Variants in PDK3 observed in about 807,000 individuals in gnomAD.
PDK3 encodes pyruvate dehydrogenase kinase 3.
PDK3 carries 12 observed loss-of-function variants against 32.0 expected under a neutral mutation model. The observed-to-expected ratio is 0.37, with a 90% CI of 0.24 to 0.61. The LOEUF (loss-of-function observed/expected upper bound fraction) is 0.61, where lower values mean the gene tolerates loss of function less well. Among genes scored for constraint, PDK3 ranks in the 20% least tolerant of loss-of-function variants. The probability of loss-of-function intolerance (pLI) is 0.65; values close to 1 mark genes in which losing one functional copy is unlikely to be tolerated. For synonymous variants in PDK3, 122 were observed against 116.3 expected (o/e 1.05, Z -0.31); for missense variants, 188 against 316.9 (o/e 0.59, Z 3.09).
At chrX:24,525,282 C>T (rs1392893040) in intron 6 of PDK3, among the ~76,000 whole-genome samples, 1 of 112,038 alleles carries the variant, frequency 8.9e-6, no homozygotes, top group Non-Finnish European at 1.9e-5. Context: ...GTCACACAGG[C>T]TTCCCAAAGC....
intron 1 of PDK3, among the ~76,000 whole-genome samples, chrX:24,474,734 T>TC (rs1196580695): frequency 5.4e-5 from 6 of 111,248 alleles, no homozygotes. Context: ...TTCCATAGTG[T>TC]CCCCATGTGT....
exon 12 of PDK3, chrX:24,548,732 G>GA (rs1488285418): frequency 3.6e-5 from 4 of 111,794 alleles, no homozygotes; most frequent in Non-Finnish European, 1.9e-5. Context: ...CTTTTTGAGA[G>GA]AAAAAAGAAA....
rs756028485 is a variant in PDK3, at chrX:24,526,187, T to C, written c.674-11T>C. The C allele has an allele frequency of 1.4e-4, 164 of 1,185,114 alleles. No individual in the cohort carries two copies. Among genetic ancestry groups the C allele is most frequent in the Non-Finnish European group, 1.8e-4 (161 of 874,047 alleles). ...GTCCTTATTGATTGATGGTTTTGTC[T>C]CTGTTTTCAGCCAAAGCGCCAGACA... On this transcript the variant is annotated splice_polypyrimidine_tract_variant and intron_variant, in intron 6 of 10. Transcript: ENST00000379162.
rs188445645 is a variant in PDK3 at position 24,482,250 on chromosome X, G to T, written c.107-12492G>T. 1.5e-4 allele frequency among the ~76,000 whole-genome samples: 17 copies of T among 111,603 alleles called. No individual in the cohort carries two copies. The East Asian group carries it at 4.8e-3, about 31-fold the overall frequency. On this transcript the variant is annotated intron_variant, in intron 1 of 10. Coordinates refer to ENST00000379162, the MANE Select transcript of PDK3 (RefSeq NM_005391.5). The stretch of plus-strand genomic sequence containing the variant: ...TTTGGAGACAGAGTGTTCCTCTGTC[G>T]TCCAGGCTGGAGTGCGTGGTGTGAT...
chrX:24,500,502 C>T (rs1172015565), intron 3 of PDK3, among the ~76,000 whole-genome samples: 1 of 112,179 alleles, frequency 8.9e-6, no homozygotes, highest in Admixed American at 9.5e-5. Flanking sequence ...ACAGGTTATC[C>T]GATGTGATTT....
chrX:24,465,622 C>T, intron 1 of PDK3, 61 bp downstream of exon 1: 3 of 834,015 alleles, frequency 3.6e-6, no homozygotes, highest in Non-Finnish European at 5.3e-6. Context: ...GCTGCCACCC[C>T]GGATCTCCGC....
At chrX:24,471,254 G>A (rs1176458489) in intron 1 of PDK3, among the ~76,000 whole-genome samples, 1 of 112,182 alleles carries the variant, frequency 8.9e-6, no homozygotes, top group Non-Finnish European at 1.9e-5. Flanking sequence ...AATGTTTAAG[G>A]TTAGTTATTC....
At chrX:24,468,612 T>C (rs1179460062) in intron 1 of PDK3, among the ~76,000 whole-genome samples, 1 of 111,953 alleles carries the variant, frequency 8.9e-6, no homozygotes, top group East Asian at 2.8e-4. Context: ...CTAAAGCATA[T>C]CCAGGGTTAA....
intron 6 of PDK3, among the ~76,000 whole-genome samples, chrX:24,523,763 G>A (rs1034579548): frequency 1.5e-4 from 17 of 111,596 alleles, no homozygotes; most frequent in Non-Finnish European, 3.2e-4. Flanking sequence ...CTGCTCAGAG[G>A]CCCATTTACT....
At chrX:24,507,409 T>C (rs971541589) in intron 5 of PDK3, among the ~76,000 whole-genome samples, 3 of 112,281 alleles carry the variant, frequency 2.7e-5, no homozygotes, top group African/African-American at 9.7e-5. Flanking sequence ...ATTTTTCTCT[T>C]CATGTTAGTT....
At position 24,490,944 on chromosome X, in the gene PDK3, CCAGTTT is replaced by C. The variant is rs1176073103; in HGVS notation, c.107-3791_107-3786del. Among the ~76,000 whole-genome samples, 5 of 111,007 alleles carry C rather than the reference CCAGTTT, an allele frequency of 4.5e-5. No homozygotes were observed. In the East Asian group the frequency reaches 1.4e-3, roughly 31 times the overall value. On this transcript the variant is annotated intron_variant, in intron 1 of 10. Transcript: ENST00000379162. Reference sequence around the variant, plus strand: ...AAATTATTAGTTCATACTGATACTACCAGTTTCAGTTTAACACCAGAATTCTTCTAC... The same window carrying C: ...AAATTATTAGTTCATACTGATACTACCAGTTTAACACCAGAATTCTTCTAC...
At chrX:24,540,701 C>G (rs750208814) in exon 12 of PDK3, among the ~76,000 whole-genome samples, 1 of 109,899 alleles carries the variant, frequency 9.1e-6, no homozygotes. Flanking sequence ...CATATGTAAT[C>G]AATCAGGTAA....
At chrX:24,515,249 C>A (rs773513039) in intron 5 of PDK3, among the ~76,000 whole-genome samples, 2 of 112,111 alleles carry the variant, frequency 1.8e-5, no homozygotes, top group Non-Finnish European at 3.8e-5. Flanking sequence ...TTAATTATAA[C>A]GTTGATACAC....
At chrX:24,489,191 C>T (rs759265406) in intron 1 of PDK3, among the ~76,000 whole-genome samples, 4 of 111,804 alleles carry the variant, frequency 3.6e-5, no homozygotes, top group Admixed American at 1.9e-4. Context: ...TTTCAATGTA[C>T]GTGAAGAAAG....
rs746681520 is a variant in PDK3 at position 24,542,181 on chromosome X, T to G, written c.*3017T>G. 3.6e-5 allele frequency among the ~76,000 whole-genome samples: 4 copies of G among 112,006 alleles called. No homozygotes were observed. In the South Asian group the frequency reaches 1.5e-3, roughly 42 times the overall value. On this transcript the variant is annotated 3_prime_UTR_variant, in exon 12 of 12. Transcript: ENST00000568479. ...GAGATGACTTTAAAATGTAGAGAAATGCAAGGAAGTGGAGGGATAGATCCG... is the reference window on the plus strand; with the variant it reads ...GAGATGACTTTAAAATGTAGAGAAAGGCAAGGAAGTGGAGGGATAGATCCG...
chrX:24,511,203 A>C (rs1485263859), intron 5 of PDK3, among the ~76,000 whole-genome samples: 1 of 112,299 alleles, frequency 8.9e-6, no homozygotes, highest in Non-Finnish European at 1.9e-5. Flanking sequence ...GAAGAAATGG[A>C]TGTCAGCCTC....
intron 6 of PDK3, among the ~76,000 whole-genome samples, chrX:24,520,378 C>T (rs183508126): frequency 7.2e-5 from 8 of 111,226 alleles, no homozygotes; most frequent in South Asian, 7.5e-4. Context: ...ATGCTTTAAA[C>T]GAATAACGTA....
chrX:24,523,549 G>A (rs184818633), intron 6 of PDK3, among the ~76,000 whole-genome samples: 157 of 112,474 alleles, frequency 1.4e-3, no homozygotes, highest in Non-Finnish European at 2.6e-3. Flanking sequence ...GGGAAGGGAA[G>A]GCAGAGGGTA....
At chrX:24,514,323 C>T (rs1172149179) in intron 5 of PDK3, among the ~76,000 whole-genome samples, 1 of 111,839 alleles carries the variant, frequency 8.9e-6, no homozygotes, top group African/African-American at 3.2e-5. Context: ...ATGAGCCACA[C>T]CTGCAGTTTT....
Sources: allele counts gnomAD v4.1 joint callset (sites outside exome capture counted in the v4.1 genomes callset), GRCh38; gene constraint gnomAD v4.1.1; transcripts MANE v1.5; gene names NCBI Gene and HGNC (gene_info 2026-07-23, HGNC 2026-07-21).